SPON1: variants seen among roughly 807,000 people sequenced by gnomAD.
SPON1 encodes spondin 1, also known as spondin-1.
A neutral mutation model predicts 111.7 loss-of-function variants in SPON1; 52 were observed. The observed-to-expected ratio is 0.47, with a 90% CI of 0.37 to 0.59. SPON1 has a LOEUF of 0.59. Among genes scored for constraint, SPON1 ranks in the 20% least tolerant of loss-of-function variants. SPON1 has a pLI of 0.00. For synonymous variants in SPON1, 410 were observed against 395.8 expected (o/e 1.04, Z -0.43); for missense variants, 957 against 1,068.5 (o/e 0.90, Z 1.46).
chr11:14,195,614 G>C (rs557699384), intron 6 of SPON1, among the ~76,000 whole-genome samples: 25 of 152,278 alleles, frequency 1.6e-4, no homozygotes, highest in African/African-American at 6.0e-4. Flanking sequence ...TCAAATAACA[G>C]TATTGGGAAT....
At chr11:13,986,848 A>G (rs1848189214) in intron 2 of SPON1, among the ~76,000 whole-genome samples, 1 of 152,128 alleles carries the variant, frequency 6.6e-6, no homozygotes, top group Non-Finnish European at 1.5e-5. Context: ...TTTGCTGAGA[A>G]TGATGGTTTC....
intron 3 of SPON1, among the ~76,000 whole-genome samples, chr11:14,043,288 A>G (rs1245456341): frequency 6.6e-6 from 1 of 152,206 alleles, no homozygotes; most frequent in African/African-American, 2.4e-5. Flanking sequence ...CCTTGGCATG[A>G]GGAAGCTGGA....
In SPON1 at chr11:14,206,390, A is replaced by C. The variant is rs545415887; in HGVS notation, c.826-36942A>C. Among the ~76,000 whole-genome samples the C allele has an allele frequency of 2.0e-5, 3 of 152,152 alleles. No homozygotes were observed. The South Asian group carries it at 6.2e-4, about 32-fold the overall frequency. On this transcript the variant is annotated intron_variant, in intron 6 of 15. Coordinates refer to ENST00000576479, the MANE Select transcript of SPON1 (RefSeq NM_006108.4). ...TGTAATTTTAGTAGAGATGGGTTTC[A>C]CCATATTGGTCAGGCTGGTCTCGAA...
chr11:14,199,583 C>A (rs1225106880), intron 6 of SPON1, among the ~76,000 whole-genome samples: 2 of 152,196 alleles, frequency 1.3e-5, no homozygotes, highest in African/African-American at 4.8e-5. Flanking sequence ...CTTACCCAGC[C>A]CATGTTCCAT....
At chr11:14,115,192 C>T (rs1488487288) in intron 5 of SPON1, among the ~76,000 whole-genome samples, 1 of 152,152 alleles carries the variant, frequency 6.6e-6, no homozygotes, top group East Asian at 1.9e-4. Flanking sequence ...ATAGGGTAGG[C>T]CAGAGTGAGC....
intron 2 of SPON1, among the ~76,000 whole-genome samples, chr11:14,013,614 T>C (rs565851696): frequency 1.3e-5 from 2 of 152,284 alleles, no homozygotes; most frequent in African/African-American, 4.8e-5. Flanking sequence ...AACTTAAATG[T>C]AGTTTTGAAA....
intron 5 of SPON1, among the ~76,000 whole-genome samples, chr11:14,094,821 G>A (rs950691733): frequency 4.6e-5 from 7 of 152,384 alleles, no homozygotes; most frequent in Admixed American, 3.9e-4. Context: ...TGAGTGGACA[G>A]CAGCTTGGAT....
chr11:14,267,440 T>G lies in SPON1; in HGVS notation c.*1753T>G, dbSNP rs568971100. On this transcript the variant is annotated 3_prime_UTR_variant, in exon 16 of 16. Transcript: ENST00000576479. Reference sequence around the variant, plus strand: ...ACACAAGATTTAATTATTTTTCTACTTGGGGGGAAAAAAGTCCTCATGTAG... The same window carrying G: ...ACACAAGATTTAATTATTTTTCTACGTGGGGGGAAAAAAGTCCTCATGTAG... 7.2e-6 allele frequency: 1 copy of G among 138,854 alleles called. No homozygotes were observed. The highest frequency in any genetic ancestry group is 2.5e-5 in the African/African-American group (1 of 40,776). The allele number at this position is 138,854 out of a possible 1,614,324, so 8.6% of individuals were successfully genotyped here.
chr11:14,042,782 C>T (rs932633699), intron 3 of SPON1, among the ~76,000 whole-genome samples: 5 of 152,218 alleles, frequency 3.3e-5, no homozygotes, highest in African/African-American at 9.6e-5. Flanking sequence ...CCCACCTAGG[C>T]ATCGCAATAC....
intron 6 of SPON1, among the ~76,000 whole-genome samples, chr11:14,157,589 A>G (rs145072840): frequency 1.2e-4 from 18 of 152,238 alleles, no homozygotes; most frequent in Admixed American, 4.6e-4. Context: ...CAGTTTTGGA[A>G]AATTCTGGCC....
chr11:14,263,038 A>T lies in SPON1; in HGVS notation c.2260+63A>T, dbSNP rs1010987594. 49 of 1,427,784 alleles carry T rather than the reference A, an allele frequency of 3.4e-5. No homozygotes were observed. The African/African-American group carries it at 5.3e-4, about 15-fold the overall frequency. 88.4% of individuals were successfully genotyped at this position (1,427,784 alleles called of 1,614,324 possible). A position where few individuals can be genotyped will look rare whatever the true frequency, so the allele number is the denominator to read the frequency against. Reference sequence around the variant, plus strand: ...ACAGGCAGGGTTCTGCACTGGGCTAAGTCTTGGACCTGTTTAAAAAAAAAA... The same window carrying T: ...ACAGGCAGGGTTCTGCACTGGGCTATGTCTTGGACCTGTTTAAAAAAAAAA... On this transcript the variant is annotated intron_variant, in intron 15 of 15. Coordinates refer to ENST00000576479, the MANE Select transcript of SPON1 (RefSeq NM_006108.4).
intron 3 of SPON1, among the ~76,000 whole-genome samples, chr11:14,053,415 C>T (rs1211459150): frequency 6.6e-6 from 1 of 152,044 alleles, no homozygotes; most frequent in Non-Finnish European, 1.5e-5. Context: ...CCTTTTGTGT[C>T]TAGCTTTTTT....
chr11:14,083,874 G>A (rs1236656310), intron 5 of SPON1, among the ~76,000 whole-genome samples: 1 of 152,124 alleles, frequency 6.6e-6, no homozygotes, highest in Non-Finnish European at 1.5e-5. Flanking sequence ...AAATTCCCAA[G>A]TCTGAATAAC....
chr11:14,155,460 G>T (rs184602853), intron 6 of SPON1, among the ~76,000 whole-genome samples: 1 of 152,098 alleles, frequency 6.6e-6, no homozygotes, highest in African/African-American at 2.4e-5. Flanking sequence ...CAGGAGGAAG[G>T]CAGGGGAGGT....
chr11:14,028,266 G>C (rs1229365921), intron 2 of SPON1, among the ~76,000 whole-genome samples: 1 of 152,028 alleles, frequency 6.6e-6, no homozygotes, highest in African/African-American at 2.4e-5. Flanking sequence ...AGGATTGCTT[G>C]AACCCAGGAG....
At chr11:14,073,190 G>C (rs782088790) in intron 3 of SPON1, among the ~76,000 whole-genome samples, 1 of 152,080 alleles carries the variant, frequency 6.6e-6, no homozygotes, top group Non-Finnish European at 1.5e-5. Context: ...ACAAGTTTGT[G>C]TTTTACACAA....
chr11:14,134,413 G>T (rs1283526402), intron 5 of SPON1, among the ~76,000 whole-genome samples: 1 of 152,140 alleles, frequency 6.6e-6, no homozygotes, highest in East Asian at 1.9e-4. Context: ...TCTTGCTCCA[G>T]CCCAGATCTT....
At chr11:14,254,431 C>T in intron 7 of SPON1, 97 bp from the exon 8 acceptor site, 4 of 1,111,142 alleles carry the variant, frequency 3.6e-6, no homozygotes, top group Non-Finnish European at 5.1e-6. Flanking sequence ...TGGATACTCT[C>T]TGTCCCTCTC....
At chr11:13,999,170 T>C (rs1216398310) in intron 2 of SPON1, among the ~76,000 whole-genome samples, 2 of 152,234 alleles carry the variant, frequency 1.3e-5, no homozygotes, top group East Asian at 3.8e-4. Flanking sequence ...GAATTTTTAA[T>C]ACTATAAATA....
Sources: allele counts gnomAD v4.1 joint callset (sites outside exome capture counted in the v4.1 genomes callset), GRCh38; gene constraint gnomAD v4.1.1; transcripts MANE v1.5; gene names NCBI Gene and HGNC (gene_info 2026-07-23, HGNC 2026-07-21).